Variants in AKAP13 observed in about 807,000 individuals in gnomAD.
AKAP13 encodes A-kinase anchoring protein 13, also known as A-kinase anchor protein 13.
A neutral mutation model predicts 264.5 loss-of-function variants in AKAP13; 80 were observed. The ratio of observed to expected loss-of-function variants is 0.30; its 90% confidence interval spans 0.25 to 0.36. The LOEUF is 0.36. AKAP13 is among the 10% of genes least tolerant of loss of function. AKAP13 has a pLI of 1.00. For missense variants in AKAP13, 3,712 were observed against 3,435.2 expected (o/e 1.08, Z -2.01); for synonymous variants, 1,380 against 1,250.2 (o/e 1.10, Z -2.19).
intron 1 of AKAP13, among the ~76,000 whole-genome samples, chr15:85,428,285 C>T (rs910318902): frequency 2.6e-4 from 40 of 152,158 alleles, no homozygotes; most frequent in African/African-American, 8.2e-4. Flanking sequence ...CCGCAACCTC[C>T]GCCTCCTGGG....
At chr15:85,503,907 T>C (rs1366549857) in intron 2 of AKAP13, among the ~76,000 whole-genome samples, 2 of 152,240 alleles carry the variant, frequency 1.3e-5, no homozygotes, top group African/African-American at 4.8e-5. Context: ...GAGGAGAGGC[T>C]CTGTGAGGGA....
chr15:85,583,144 C>T, intron 7 of AKAP13: 9 of 985,472 alleles, frequency 9.1e-6, no homozygotes, highest in Non-Finnish European at 1.1e-5. Flanking sequence ...TATCTCCATG[C>T]TTGCCCCTAG....
intron 2 of AKAP13, among the ~76,000 whole-genome samples, chr15:85,499,390 G>A (rs1214926760): frequency 2.0e-5 from 3 of 152,192 alleles, no homozygotes; most frequent in Non-Finnish European, 4.4e-5. Flanking sequence ...AGTAGCAGCA[G>A]CGCAGATTAT....
Position 85,639,458 on chromosome 15 carries a change from A to G in AKAP13, c.4237+9A>G, listed in dbSNP as rs1398576593. On this transcript the variant is annotated intron_variant, in intron 9 of 36. Coordinates refer to ENST00000394518, the MANE Select transcript of AKAP13 (RefSeq NM_007200.5). Reference sequence around the variant, plus strand: ...TTCCAAGCAGAGCCCAGGTAAGCTGAGATTATCCATTCATTTTCTGGAGCT... The same window carrying G: ...TTCCAAGCAGAGCCCAGGTAAGCTGGGATTATCCATTCATTTTCTGGAGCT... The G allele has an allele frequency of 6.2e-7, 1 of 1,606,458 alleles. No individual in the cohort carries two copies. The highest frequency in any genetic ancestry group is 1.7e-5 in the Admixed American group (1 of 59,992).
At chr15:85,536,206 C>T (rs2077392845) in intron 4 of AKAP13, 1 of 152,070 alleles carries the variant, frequency 6.6e-6, no homozygotes. Flanking sequence ...TTCTGTTGCA[C>T]AAAATTGCTC....
Position 85,425,732 on chromosome 15 carries a change from AAG to A in AKAP13, c.-12+44936_-12+44937del, listed in dbSNP as rs1491522853. On this transcript the variant is annotated intron_variant, in intron 1 of 36. Coordinates refer to ENST00000394518, the MANE Select transcript of AKAP13 (RefSeq NM_007200.5). Reference sequence around the variant, plus strand: ...CTCTGTCTCAAAAAAAAAAAAAAAAAAGAACTTACCTCAGTTAGGACTTAATT... The same window carrying A: ...CTCTGTCTCAAAAAAAAAAAAAAAAAAACTTACCTCAGTTAGGACTTAATT... Among the ~76,000 whole-genome samples the A allele has an allele frequency of 6.6e-5, 10 of 151,646 alleles. No individual in the cohort carries two copies. In the East Asian group the frequency reaches 1.9e-3, roughly 29 times the overall value.
At chr15:85,405,472 T>A (rs1448591428) in intron 1 of AKAP13, among the ~76,000 whole-genome samples, 1 of 152,228 alleles carries the variant, frequency 6.6e-6, no homozygotes, top group East Asian at 1.9e-4. Flanking sequence ...ATACAAAAAT[T>A]GGAGACAAAA....
At chr15:85,664,926 C>T (rs1452134242) in intron 13 of AKAP13, among the ~76,000 whole-genome samples, 171 bp downstream of exon 13, 1 of 152,130 alleles carries the variant, frequency 6.6e-6, no homozygotes, top group Non-Finnish European at 1.5e-5. Flanking sequence ...AAGGGCCAGG[C>T]ATGGTGGCTC....
intron 10 of AKAP13, among the ~76,000 whole-genome samples, chr15:85,654,398 T>A (rs536401042): frequency 2.0e-4 from 31 of 152,278 alleles, no homozygotes; most frequent in African/African-American, 7.5e-4. Flanking sequence ...TTAAAGCTTA[T>A]AAAAAATAAT....
intron 14 of AKAP13, among the ~76,000 whole-genome samples, chr15:85,680,686 G>A (rs2084542222): frequency 6.6e-6 from 1 of 152,134 alleles, no homozygotes; most frequent in Admixed American, 6.5e-5. Context: ...GCAACATGGC[G>A]AGTCCCTGTT....
intron 16 of AKAP13, among the ~76,000 whole-genome samples, chr15:85,691,418 G>C (rs992585656): frequency 6.6e-6 from 1 of 152,134 alleles, no homozygotes; most frequent in African/African-American, 2.4e-5. Flanking sequence ...GACTGCTTTA[G>C]ATATTTCATT....
chr15:85,516,662 TC>T (rs1205257513), intron 2 of AKAP13, among the ~76,000 whole-genome samples: 2 of 152,174 alleles, frequency 1.3e-5, no homozygotes, highest in African/African-American at 4.8e-5. Context: ...TTTTCCCCTC[TC>T]CTTCCCTTCT....
At chr15:85,485,029 A>G (rs951784211) in intron 1 of AKAP13, among the ~76,000 whole-genome samples, 1 of 152,214 alleles carries the variant, frequency 6.6e-6, no homozygotes, top group Non-Finnish European at 1.5e-5. Context: ...CTGAGCATTT[A>G]TAGCCTAGAT....
intron 1 of AKAP13, among the ~76,000 whole-genome samples, chr15:85,463,092 G>GA (rs933666545): frequency 1.3e-5 from 2 of 148,342 alleles, no homozygotes; most frequent in African/African-American, 2.5e-5. Flanking sequence ...AGAGATGACA[G>GA]AAAAAAATCA....
intron 8 of AKAP13, chr15:85,619,964 A>T: frequency 6.9e-7 from 1 of 1,458,752 alleles, no homozygotes. Flanking sequence ...AATAGAGAGG[A>T]GTCTGGAAGG....
chr15:85,575,922 G>T (rs1461123532), intron 6 of AKAP13, among the ~76,000 whole-genome samples: 2 of 152,192 alleles, frequency 1.3e-5, no homozygotes, highest in Admixed American at 1.3e-4. Flanking sequence ...GGAGGCAGAG[G>T]TTGCAGTGAG....
chr15:85,543,983 T>C (rs1567116127), intron 5 of AKAP13, 28 bp downstream of exon 5: 3 of 1,609,170 alleles, frequency 1.9e-6, no homozygotes, highest in East Asian at 2.2e-5. Flanking sequence ...CTTATTTCCC[T>C]CCTCTCATCC....
chr15:85,700,187 C>T lies in AKAP13; in HGVS notation c.5464+6736C>T, dbSNP rs2085828127. 1.3e-5 allele frequency among the ~76,000 whole-genome samples: 2 copies of T among 152,202 alleles called. 1 individual carries two copies. Among genetic ancestry groups the T allele is most frequent in the South Asian group, 4.1e-4 (2 of 4,830 alleles). ...AGTCTTTGTCTACATTAGACTATCA[C>T]TCAGAATTAAACCTGTAACTGGCAT... On this transcript the variant is annotated intron_variant, in intron 17 of 36. Coordinates refer to ENST00000394518, the MANE Select transcript of AKAP13 (RefSeq NM_007200.5).
intron 1 of AKAP13, among the ~76,000 whole-genome samples, chr15:85,389,510 A>T (rs1217223435): frequency 6.6e-6 from 1 of 152,190 alleles, no homozygotes; most frequent in Non-Finnish European, 1.5e-5. Context: ...TGCCAGGATA[A>T]ATCTGGATCC....
Sources: gnomAD v4.1 joint callset for allele counts (sites outside exome capture counted in the v4.1 genomes callset) on GRCh38, gnomAD v4.1.1 for gene constraint, MANE v1.5 for transcripts, NCBI Gene and HGNC (gene_info 2026-07-23, HGNC 2026-07-21) for gene names.